PLEKHH2: variants seen among roughly 807,000 people sequenced by gnomAD.
PLEKHH2 encodes the protein pleckstrin homology, MyTH4 and FERM domain containing H2, also known as pleckstrin homology domain-containing family H member 2.
In PLEKHH2, 129 loss-of-function variants were observed where a neutral mutation model predicts 187.9. That is an observed-to-expected ratio of 0.69 (90% CI 0.59 to 0.79). The LOEUF is 0.79. PLEKHH2 is among the 30% of genes least tolerant of loss of function. The pLI is 0.00. For missense variants in PLEKHH2, 2,076 were observed against 1,751.2 expected (o/e 1.19, Z -3.31); for synonymous variants, 686 against 605.6 (o/e 1.13, Z -1.95).
At chr2:43,711,966 C>A in intron 14 of PLEKHH2, 5 of 1,138,816 alleles carry the variant, frequency 4.4e-6, no homozygotes, top group South Asian at 2.3e-5. Context: ...GACAAATAAA[C>A]AAGATATAAA....
intron 15 of PLEKHH2, among the ~76,000 whole-genome samples, chr2:43,714,547 G>T (rs932132356): frequency 3.9e-5 from 6 of 152,160 alleles, no homozygotes; most frequent in African/African-American, 1.4e-4. Flanking sequence ...AGGGGAGGAA[G>T]TTTTCTCAGG....
intron 7 of PLEKHH2, 122 bp from the exon 8 acceptor site, chr2:43,699,525 A>G (rs1266030908): frequency 1.7e-6 from 2 of 1,207,194 alleles, no homozygotes; most frequent in African/African-American, 3.1e-5. Context: ...CTACAGGTAC[A>G]CACCACTGCA....
intron 2 of PLEKHH2, among the ~76,000 whole-genome samples, chr2:43,656,434 A>G (rs1161532361): frequency 7.3e-6 from 1 of 136,486 alleles, no homozygotes; most frequent in Non-Finnish European, 1.6e-5. Context: ...TTTCACATCC[A>G]AGGACTGAGA....
intron 19 of PLEKHH2, among the ~76,000 whole-genome samples, chr2:43,732,843 C>T (rs1343502383): frequency 2.6e-5 from 4 of 152,152 alleles, no homozygotes. Context: ...ATGTTTTCTG[C>T]TGCCAGTATA....
chr2:43,715,358 G>A (rs751796983), intron 15 of PLEKHH2, among the ~76,000 whole-genome samples: 23 of 152,176 alleles, frequency 1.5e-4, no homozygotes, highest in Non-Finnish European at 3.4e-4. Context: ...AAGCTAGAGG[G>A]GCCTATGGAT....
chr2:43,648,667 A>G (rs1666311854), intron 2 of PLEKHH2, among the ~76,000 whole-genome samples: 2 of 149,600 alleles, frequency 1.3e-5, no homozygotes, highest in Admixed American at 1.3e-4. Flanking sequence ...TGCAACCTCC[A>G]CCTCCTGGAT....
chr2:43,726,514 A>G (rs750593768), intron 17 of PLEKHH2, 63 bp downstream of exon 17: 16 of 1,416,806 alleles, frequency 1.1e-5, no homozygotes, highest in Non-Finnish European at 1.5e-5. Context: ...GATATTGGTA[A>G]TAATTATCAA....
intron 3 of PLEKHH2, chr2:43,681,042 C>T (rs1668150482): frequency 7.8e-7 from 1 of 1,277,390 alleles, no homozygotes. Context: ...ACTGGAATTC[C>T]TTCCTGTACC....
intron 14 of PLEKHH2, chr2:43,710,780 C>G: frequency 5.2e-6 from 7 of 1,333,468 alleles, no homozygotes; most frequent in Non-Finnish European, 6.8e-6. Flanking sequence ...TGAGTAACTC[C>G]CACCACACTT....
At chr2:43,656,319 T>C (rs2104365224) in intron 2 of PLEKHH2, among the ~76,000 whole-genome samples, 1 of 152,286 alleles carries the variant, frequency 6.6e-6, no homozygotes, top group Middle Eastern at 3.4e-3. Context: ...GTGTAATACA[T>C]TTATTTTTGG....
At chr2:43,719,128 T>C (rs978204898) in intron 15 of PLEKHH2, among the ~76,000 whole-genome samples, 1 of 152,224 alleles carries the variant, frequency 6.6e-6, no homozygotes, top group African/African-American at 2.4e-5. Flanking sequence ...ATATTTAACA[T>C]ACTGCTGATT....
chr2:43,762,769 CTTCT>C (rs972679924), intron 28 of PLEKHH2, among the ~76,000 whole-genome samples: 10 of 152,134 alleles, frequency 6.6e-5, no homozygotes, highest in South Asian at 2.1e-4. Context: ...TTCACTAAGG[CTTCT>C]TTAACAATTT....
chr2:43,731,457 C>G (rs1671032972), intron 18 of PLEKHH2, 33 bp from the exon 19 acceptor site: 2 of 1,373,852 alleles, frequency 1.5e-6, no homozygotes, highest in African/African-American at 1.4e-5. Context: ...GTGGTTTATT[C>G]AGTTTTCTGT....
At chr2:43,748,859 C>T (rs911012439) in intron 24 of PLEKHH2, among the ~76,000 whole-genome samples, 4 of 152,012 alleles carry the variant, frequency 2.6e-5, no homozygotes, top group Admixed American at 6.6e-5. Flanking sequence ...CAGGTTCAAG[C>T]GATTTTCCTG....
chr2:43,682,076 G>C (rs773571514), intron 3 of PLEKHH2, among the ~76,000 whole-genome samples: 5 of 151,846 alleles, frequency 3.3e-5, no homozygotes, highest in Non-Finnish European at 7.4e-5. Context: ...CCTCACACTG[G>C]ACTATTGAAA....
At chr2:43,687,552 G>A (rs932932765) in intron 3 of PLEKHH2, among the ~76,000 whole-genome samples, 1 of 152,114 alleles carries the variant, frequency 6.6e-6, no homozygotes, top group Admixed American at 6.5e-5. Context: ...CTGTTTCTTT[G>A]AGAAACCTCT....
At chr2:43,704,620 G>A (rs964422959) in intron 9 of PLEKHH2, among the ~76,000 whole-genome samples, 1 of 137,366 alleles carries the variant, frequency 7.3e-6, no homozygotes, top group Non-Finnish European at 1.5e-5. Flanking sequence ...CTGAGATTGT[G>A]CCACTGCACT....
chr2:43,689,983 A>C (rs1169167698), intron 3 of PLEKHH2, among the ~76,000 whole-genome samples: 1 of 152,204 alleles, frequency 6.6e-6, no homozygotes, highest in African/African-American at 2.4e-5. Context: ...CACTAGATGT[A>C]GGTCTGGTAG....
intron 24 of PLEKHH2, among the ~76,000 whole-genome samples, chr2:43,753,113 C>T (rs1364761543): frequency 2.0e-5 from 3 of 152,132 alleles, no homozygotes; most frequent in East Asian, 1.9e-4. Flanking sequence ...TGGGTTTATA[C>T]AGCCCATTGA....
Sources: gnomAD v4.1 joint callset for allele counts (sites outside exome capture counted in the v4.1 genomes callset) on GRCh38, gnomAD v4.1.1 for gene constraint, MANE v1.5 for transcripts, NCBI Gene and HGNC (gene_info 2026-07-23, HGNC 2026-07-21) for gene names.